The following ANO4 variants were observed in gnomAD, a reference collection of about 807,000 sequenced individuals.
ANO4 encodes the protein anoctamin 4.
Under a neutral mutation model 141.9 loss-of-function variants are expected in ANO4, and 69 were observed. That is an observed-to-expected ratio of 0.49 (90% CI 0.40 to 0.59). The LOEUF is 0.59. ANO4 is among the 20% of genes least tolerant of loss of function. The pLI, the probability that ANO4 is intolerant of heterozygous loss-of-function variation, is 0.00. For synonymous variants in ANO4, 350 were observed against 394.3 expected (o/e 0.89, Z 1.33); for missense variants, 894 against 1,162.2 (o/e 0.77, Z 3.36).
At chr12:101,024,009 A>G (rs2046636256) in intron 9 of ANO4, among the ~76,000 whole-genome samples, 1 of 152,264 alleles carries the variant, frequency 6.6e-6, no homozygotes, top group South Asian at 2.1e-4. Context: ...GACATGATTC[A>G]TAAGGATATT....
chr12:100,981,522 A>G (rs1341846885), intron 7 of ANO4, among the ~76,000 whole-genome samples: 2 of 152,130 alleles, frequency 1.3e-5, no homozygotes, highest in African/African-American at 4.8e-5. Context: ...AAGAAAAGAA[A>G]AGAAAGCTCA....
At chr12:101,034,459 A>G (rs2047113131) in intron 9 of ANO4, among the ~76,000 whole-genome samples, 1 of 152,158 alleles carries the variant, frequency 6.6e-6, no homozygotes, top group Non-Finnish European at 1.5e-5. Flanking sequence ...GGACACAGGG[A>G]TGGAAACAAC....
At chr12:100,732,488 G>A (rs1473464463) in intron 1 of ANO4, among the ~76,000 whole-genome samples, 2 of 151,960 alleles carry the variant, frequency 1.3e-5, no homozygotes, top group East Asian at 3.8e-4. Context: ...TCAGATATGT[G>A]TTTTACAAAT....
intron 1 of ANO4, among the ~76,000 whole-genome samples, chr12:100,844,593 G>C (rs752100554): frequency 1.3e-5 from 2 of 152,068 alleles, no homozygotes; most frequent in Non-Finnish European, 2.9e-5. Context: ...ACAGCTCTGT[G>C]GGGTGGTAAG....
chr12:100,735,488 G>A lies in ANO4; in HGVS notation c.106+1631G>A, dbSNP rs77474400. Reference sequence around the variant, plus strand: ...ACAGTAGGGGGGTGACAAGACAAATGTATGGATGAGAGAAGATTATTATGG... The same window carrying A: ...ACAGTAGGGGGGTGACAAGACAAATATATGGATGAGAGAAGATTATTATGG... On this transcript the variant is annotated intron_variant, in intron 2 of 29. Coordinates refer to the ANO4 transcript ENST00000644049. Among the ~76,000 whole-genome samples, 198 of 152,272 alleles carry A rather than the reference G, an allele frequency of 1.3e-3. 1 individual carries two copies. The highest frequency in any genetic ancestry group is 4.5e-3 in the African/African-American group (188 of 41,558).
Position 100,901,705 on chromosome 12 carries a change from G to A in ANO4, c.-81G>A. ...TTTGCAAATCCATCAACGGCGAAGT[G>A]TGGCAAGCCGCCCAGCGTCACGTCG... On this transcript the variant is annotated 5_prime_UTR_variant, in exon 2 of 28. It adds an upstream start codon to the 5' untranslated region. Transcript: ENST00000392977. The A allele has an allele frequency of 1.5e-6, 2 of 1,290,568 alleles. No homozygotes were observed. The highest frequency in any genetic ancestry group is 1.2e-5 in the South Asian group (1 of 84,522). The allele number at this position is 1,290,568 out of a possible 1,614,324, so 79.9% of individuals were successfully genotyped here. A position where few individuals can be genotyped will look rare whatever the true frequency, so the allele number is the denominator to read the frequency against.
chr12:100,952,750 C>A (rs534705713), intron 5 of ANO4, among the ~76,000 whole-genome samples: 16 of 152,238 alleles, frequency 1.1e-4, no homozygotes, highest in African/African-American at 2.9e-4. Flanking sequence ...CTCCCTTAGT[C>A]TTACTCTAAT....
chr12:100,893,481 G>T (rs1222161024), intron 1 of ANO4, among the ~76,000 whole-genome samples: 1 of 152,098 alleles, frequency 6.6e-6, no homozygotes, highest in African/African-American at 2.4e-5. Flanking sequence ...CCAGGTTGCA[G>T]ATCAGGTTTG....
intron 2 of ANO4, among the ~76,000 whole-genome samples, chr12:100,919,754 A>G (rs567844060): frequency 2.8e-5 from 4 of 145,346 alleles, no homozygotes; most frequent in South Asian, 2.2e-4. Context: ...CTATCTATCT[A>G]TCTATCTATC....
Position 101,027,766 on chromosome 12 carries a change from C to G in ANO4, c.841+7626C>G, listed in dbSNP as rs150607732. ...AGTGGCTGCAGTCTCTGCAGACCAG[C>G]AGACTTAGCCCAGAATGCCACCCAG... On this transcript the variant is annotated intron_variant, in intron 9 of 27. Coordinates refer to ENST00000392977, the MANE Select transcript of ANO4 (RefSeq NM_001286615.2). Among the ~76,000 whole-genome samples the G allele has an allele frequency of 2.1e-3, 319 of 152,286 alleles. 1 individual carries two copies. Among genetic ancestry groups the G allele is most frequent in the African/African-American group, 7.2e-3 (300 of 41,562 alleles).
chr12:101,064,364 A>AT (rs1473579164), intron 14 of ANO4, among the ~76,000 whole-genome samples: 5 of 152,306 alleles, frequency 3.3e-5, no homozygotes, highest in African/African-American at 1.2e-4. Flanking sequence ...CAAAGGACAT[A>AT]GTTTGTGTGG....
intron 8 of ANO4, among the ~76,000 whole-genome samples, chr12:101,007,239 G>T (rs1412828542): frequency 6.6e-6 from 1 of 152,212 alleles, no homozygotes; most frequent in Non-Finnish European, 1.5e-5. Flanking sequence ...TGTAGGCCTA[G>T]CTACTTGGGA....
intron 8 of ANO4, among the ~76,000 whole-genome samples, chr12:101,010,551 CA>C (rs1459738986): frequency 1.3e-5 from 2 of 152,190 alleles, no homozygotes; most frequent in Non-Finnish European, 2.9e-5. Flanking sequence ...TATTGTGCTG[CA>C]GTTGCCTAAG....
chr12:100,850,465 T>TG (rs2037806278), intron 1 of ANO4, among the ~76,000 whole-genome samples: 1 of 152,104 alleles, frequency 6.6e-6, no homozygotes. Flanking sequence ...TTTATTTTGG[T>TG]TTGCATTTCT....
intron 1 of ANO4, among the ~76,000 whole-genome samples, chr12:100,832,069 C>A (rs1179724834): frequency 3.3e-5 from 5 of 152,014 alleles, no homozygotes; most frequent in Non-Finnish European, 7.4e-5. Context: ...GAACTGAGAT[C>A]CACCAGTTTC....
At chr12:101,063,422 C>A (rs933105912) in intron 14 of ANO4, among the ~76,000 whole-genome samples, 4 of 152,156 alleles carry the variant, frequency 2.6e-5, no homozygotes, top group Non-Finnish European at 5.9e-5. Context: ...CCAAGGATCC[C>A]ACTTCATCAT....
chr12:100,863,062 T>G (rs11110563), intron 1 of ANO4, among the ~76,000 whole-genome samples: 87,713 of 151,836 alleles, frequency 0.58, 25,531 homozygotes, highest in Admixed American at 0.67. Flanking sequence ...GCACATGGGG[T>G]GAAGAGGAGC....
chr12:100,804,100 T>C (rs547258538), intron 1 of ANO4, among the ~76,000 whole-genome samples: 14 of 152,274 alleles, frequency 9.2e-5, no homozygotes, highest in East Asian at 5.8e-4. Flanking sequence ...TTCCTGATAC[T>C]TTCCCTGCCC....
At chr12:101,112,709 A>G (rs1452011034) in intron 24 of ANO4, among the ~76,000 whole-genome samples, 1 of 152,192 alleles carries the variant, frequency 6.6e-6, no homozygotes, top group Non-Finnish European at 1.5e-5. Flanking sequence ...AACTCATGCA[A>G]ACCTGGCCTG....
Sources: allele counts gnomAD v4.1 joint callset (sites outside exome capture counted in the v4.1 genomes callset), GRCh38; gene constraint gnomAD v4.1.1; transcripts MANE v1.5; gene names NCBI Gene and HGNC (gene_info 2026-07-23, HGNC 2026-07-21).